Variants in ANXA7 observed in about 807,000 individuals in gnomAD.
ANXA7 encodes the protein annexin VII.
Under a neutral mutation model 64.9 loss-of-function variants are expected in ANXA7, and 55 were observed. The observed-to-expected ratio is 0.85, with a 90% CI of 0.68 to 1.06. The LOEUF (loss-of-function observed/expected upper bound fraction) is 1.06, where lower values mean the gene tolerates loss of function less well. Among genes scored for constraint, ANXA7 ranks in the 50% least tolerant of loss-of-function variants. The pLI is 0.00. For missense variants in ANXA7, 548 were observed against 582.1 expected (o/e 0.94, Z 0.60); for synonymous variants, 200 against 192.4 (o/e 1.04, Z -0.33).
intron 1 of ANXA7, among the ~76,000 whole-genome samples, chr10:73,411,211 A>G (rs911615144): frequency 1.4e-4 from 21 of 152,188 alleles, no homozygotes; most frequent in Non-Finnish European, 3.1e-4. Flanking sequence ...CAAAAGCCGT[A>G]TGTTCTCACT....
chr10:73,397,750 A>G (rs954508106), intron 3 of ANXA7, among the ~76,000 whole-genome samples: 1 of 152,124 alleles, frequency 6.6e-6, no homozygotes, highest in Non-Finnish European at 1.5e-5. Flanking sequence ...GAGACACCAC[A>G]CCCAGCCAAA....
At chr10:73,401,260 C>A (rs2055659590) in intron 1 of ANXA7, among the ~76,000 whole-genome samples, 1 of 140,770 alleles carries the variant, frequency 7.1e-6, no homozygotes. Context: ...CACACACATA[C>A]ACAACACACA....
chr10:73,396,408 T>G, intron 5 of ANXA7, 111 bp downstream of exon 5: 1 of 768,910 alleles, frequency 1.3e-6, no homozygotes, highest in Admixed American at 2.5e-5. Context: ...GACTTTAGTC[T>G]TCCATTACTA....
chr10:73,392,730 T>C (rs199909036), intron 5 of ANXA7, among the ~76,000 whole-genome samples: 15,840 of 151,890 alleles, frequency 0.1, 1,186 homozygotes, highest in East Asian at 0.3. Flanking sequence ...TTATGACAAA[T>C]CCACAGCCAA....
In ANXA7 at chr10:73,400,566, G is replaced by A. The variant is rs76527352; in HGVS notation, c.54+237C>T. Among the ~76,000 whole-genome samples the A allele has an allele frequency of 3.4e-4, 52 of 152,234 alleles. 1 individual carries two copies. The East Asian group carries it at 0.01, about 29-fold the overall frequency. Reference sequence around the variant, plus strand: ...TTGAAGGGCTGGAGTATCTAGCAACGCTGAGTGTGCCTCCCTCCATGGCTA... The same window carrying A: ...TTGAAGGGCTGGAGTATCTAGCAACACTGAGTGTGCCTCCCTCCATGGCTA... On this transcript the variant is annotated intron_variant, in intron 2 of 12. Coordinates refer to ENST00000372921, the MANE Select transcript of ANXA7 (RefSeq NM_001156.5).
At position 73,383,607 on chromosome 10, in the gene ANXA7, G is replaced by A. The variant is rs187605730; in HGVS notation, c.717C>T (p.Tyr239=). Residue 239 remains tyrosine, a synonymous_variant, in exon 8 of 13, where the codon TAC becomes TAT. Transcript: ENST00000372921. The stretch of plus-strand genomic sequence containing the variant: ...TTGCTTTCCGTAAGCTCCAGGCATC[G>A]TAATACGTAGGAGGCATGAAGAGGG... ...ILALFMPPTY[Y]DAWSLRKAMQ... The A allele has an allele frequency of 4.1e-5, 66 of 1,612,984 alleles. No individual in the cohort carries two copies. The highest frequency in any genetic ancestry group is 3.7e-4 in the African/African-American group (28 of 74,858).
chr10:73,377,773 G>GGGGTGTGTGTGT (rs1554815379), intron 12 of ANXA7, among the ~76,000 whole-genome samples: 2,184 of 124,794 alleles, frequency 0.018, 112 homozygotes, highest in East Asian at 0.078. Flanking sequence ...GGTGGGTGTG[G>GGGGTGTGTGTGT]GTGTGTGTGT....
chr10:73,392,530 T>A (rs1281499396), intron 5 of ANXA7, among the ~76,000 whole-genome samples: 1 of 152,204 alleles, frequency 6.6e-6, no homozygotes, highest in Admixed American at 6.5e-5. Context: ...ATCCCTGGGA[T>A]GCAAGGCTGG....
Position 73,378,970 on chromosome 10 carries a change from T to C in ANXA7, c.1219A>G (p.Met407Val), listed in dbSNP as rs1210244394. 9 of 1,613,520 alleles carry C rather than the reference T, an allele frequency of 5.6e-6. No homozygotes were observed. Among genetic ancestry groups the C allele is most frequent in the African/African-American group, 1.3e-5 (1 of 74,888 alleles). Residue 407 changes from methionine to valine, a missense_variant, in exon 12 of 13, where the codon ATG becomes GTG. Coordinates refer to ENST00000372921, the MANE Select transcript of ANXA7 (RefSeq NM_001156.5). ...GAGTCATCTGTGCCAGCACCTTTCA[T>C]AGCATAGTAGAGCCTCTCAGCAAAG... ...AFFAERLYYA[M>V]KGAGTDDSTL...
intron 5 of ANXA7, among the ~76,000 whole-genome samples, chr10:73,390,717 TATAAAA>T (rs1248746267): frequency 5.3e-5 from 6 of 113,450 alleles, no homozygotes; most frequent in Admixed American, 1.7e-4. Flanking sequence ...TATATATATA[TATAAAA>T]ATATATATAT....
At chr10:73,412,499 G>T (rs1459127729) in intron 1 of ANXA7, among the ~76,000 whole-genome samples, 162 of 140,602 alleles carry the variant, frequency 1.2e-3, no homozygotes, top group Non-Finnish European at 1.9e-3. Context: ...AGTTTTTTGG[G>T]TTTTTTTTTT....
intron 5 of ANXA7, among the ~76,000 whole-genome samples, chr10:73,388,683 C>T (rs2055419994): frequency 6.6e-6 from 1 of 152,120 alleles, no homozygotes; most frequent in African/African-American, 2.4e-5. Flanking sequence ...ATTAAAGTCA[C>T]AATCTTACTA....
At chr10:73,380,501 T>A (rs533616087) in intron 9 of ANXA7, among the ~76,000 whole-genome samples, 21 of 152,238 alleles carry the variant, frequency 1.4e-4, no homozygotes, top group African/African-American at 5.1e-4. Flanking sequence ...CTCTAACTCC[T>A]GGGCTTAAGT....
At position 73,378,934 on chromosome 10, in the gene ANXA7, G is replaced by C; in HGVS notation, c.1255C>G (p.Arg419Gly). 6.2e-7 allele frequency: 1 copy of C among 1,613,302 alleles called. No individual in the cohort carries two copies. Among genetic ancestry groups the C allele is most frequent in the Non-Finnish European group, 8.5e-7 (1 of 1,179,614 alleles). The change falls in exon 12 of 13, where the codon CGG becomes GGG. Residue 419 changes from arginine (R) to glycine (G), a missense_variant. Arg to Gly is a moderately radical substitution (Grantham distance 125, BLOSUM62 -2). Coordinates refer to ENST00000372921, the MANE Select transcript of ANXA7 (RefSeq NM_001156.5). ...ACCTCACTTCGAGTGACCACAATCC[G>C]GACCAGGGTGGAGTCATCTGTGCCA... Reference protein sequence around the residue: ...GAGTDDSTLVRIVVTRSEIDL... With the variant: ...GAGTDDSTLVGIVVTRSEIDL...
chr10:73,379,289 G>C (rs1349966828), intron 11 of ANXA7, among the ~76,000 whole-genome samples: 1 of 152,098 alleles, frequency 6.6e-6, no homozygotes, highest in Non-Finnish European at 1.5e-5. Flanking sequence ...TCAGCCTTCT[G>C]AGTAGCTGGG....
chr10:73,413,159 A>G (rs1023735862), intron 1 of ANXA7, among the ~76,000 whole-genome samples: 2 of 151,724 alleles, frequency 1.3e-5, no homozygotes, highest in African/African-American at 4.9e-5. Flanking sequence ...ACCAGTGAGG[A>G]CTGAAAGACA....
chr10:73,377,398 T>C (rs1362848480), intron 12 of ANXA7: 1 of 151,364 alleles, frequency 6.6e-6, no homozygotes, highest in African/African-American at 2.4e-5. Flanking sequence ...TGAAACCCAG[T>C]CTCTACTAAA....
At chr10:73,387,246 G>A (rs1465087043) in intron 7 of ANXA7, among the ~76,000 whole-genome samples, 2 of 152,174 alleles carry the variant, frequency 1.3e-5, no homozygotes, top group Non-Finnish European at 2.9e-5. Flanking sequence ...CAGGCATGGT[G>A]GCTCACGCCT....
At chr10:73,398,889 A>G (rs766451175) in intron 2 of ANXA7, among the ~76,000 whole-genome samples, 6 of 152,212 alleles carry the variant, frequency 3.9e-5, no homozygotes, top group Admixed American at 1.3e-4. Context: ...CAATATGCAG[A>G]GTGGCAGAGA....
Sources: gnomAD v4.1 joint callset for allele counts (sites outside exome capture counted in the v4.1 genomes callset) on GRCh38, gnomAD v4.1.1 for gene constraint, MANE v1.5 for transcripts, NCBI Gene and HGNC (gene_info 2026-07-23, HGNC 2026-07-21) for gene names.